Variants in CHIC1 observed in about 807,000 individuals in gnomAD.
CHIC1 encodes the protein cysteine-rich hydrophobic domain-containing protein 1.
CHIC1 carries 7 observed loss-of-function variants against 18.5 expected under a neutral mutation model. That is an observed-to-expected ratio of 0.38 (90% CI 0.22 to 0.71). The LOEUF is 0.71. Ranked by LOEUF, CHIC1 falls within the 30% of genes least tolerant of loss-of-function variation. CHIC1 has a pLI of 0.49. For synonymous variants in CHIC1, 77 were observed against 73.5 expected, an observed-to-expected ratio of 1.05 and a Z score of -0.25; for missense variants, 159 against 176.9, an observed-to-expected ratio of 0.90 and a Z score of 0.57.
chrX:73,677,784 C>T (rs901533218), intron 3 of CHIC1, among the ~76,000 whole-genome samples: 15 of 112,053 alleles, frequency 1.3e-4, no homozygotes, highest in South Asian at 3.7e-4. Context: ...GAGATGAACC[C>T]GGTACCTTAG....
rs1470944285 is a variant in CHIC1, at chrX:73,563,427, A to G, written c.143A>G (p.Glu48Gly). Reference sequence around the variant, plus strand: ...GGGCCCGACGATGACGAGGAGGATGAGGAGGAAGAGGAGGAAGAGGAGGAG... The same window carrying G: ...GGGCCCGACGATGACGAGGAGGATGGGGAGGAAGAGGAGGAAGAGGAGGAG... ...VSGPDDDEEDEEEEEEEEEEE... is the reference protein window; with the variant it reads ...VSGPDDDEEDGEEEEEEEEEE... Residue 48 changes from glutamate to glycine, a missense_variant, in exon 1 of 6, where the codon GAG becomes GGG. By Grantham distance (98) the Glu-to-Gly change is moderately conservative. Transcript: ENST00000373502. 8 of 1,148,122 alleles carry G rather than the reference A, an allele frequency of 7.0e-6. No individual in the cohort carries two copies. The South Asian group carries it at 1.6e-4, about 23-fold the overall frequency. The allele number at this position is 1,148,122 out of a possible 1,213,427, so 94.6% of individuals were successfully genotyped here.
In CHIC1 at chrX:73,681,062, T is replaced by C. The variant is rs1026514053; in HGVS notation, c.*57T>C. ...GTCATTTCCTACCCTTAGTGCCTTG[T>C]AGATTTGGAATGAAGATGGTCTCCT... On this transcript the variant is annotated 3_prime_UTR_variant, in exon 6 of 6. Coordinates refer to ENST00000373502, the MANE Select transcript of CHIC1 (RefSeq NM_001039840.4). 1.1e-5 allele frequency: 8 copies of C among 697,515 alleles called. No homozygotes were observed. The African/African-American group carries it at 1.5e-4, about 13-fold the overall frequency. 57.5% of individuals were successfully genotyped at this position (697,515 alleles called of 1,213,427 possible).
At chrX:73,635,235 C>T (rs539761268) in intron 3 of CHIC1, among the ~76,000 whole-genome samples, 2 of 111,889 alleles carry the variant, frequency 1.8e-5, no homozygotes, top group African/African-American at 3.2e-5. Context: ...ACATCATACT[C>T]GATCATGGTT....
chrX:73,669,865 G>T (rs1357209752), intron 3 of CHIC1, among the ~76,000 whole-genome samples: 1 of 112,011 alleles, frequency 8.9e-6, no homozygotes, highest in Non-Finnish European at 1.9e-5. Context: ...AGAACATGCT[G>T]CTCAGCTCCC....
At chrX:73,645,606 A>AT (rs2057885418) in intron 3 of CHIC1, among the ~76,000 whole-genome samples, 1 of 111,871 alleles carries the variant, frequency 8.9e-6, no homozygotes, top group Admixed American at 9.4e-5. Context: ...AGCCATTCTA[A>AT]TAGGTGTGAG....
intron 3 of CHIC1, among the ~76,000 whole-genome samples, chrX:73,603,911 T>A (rs1303096205): frequency 9.2e-6 from 1 of 109,260 alleles, no homozygotes; most frequent in African/African-American, 3.6e-5. Flanking sequence ...GCCAGTATTT[T>A]ATTGAGGATT....
At chrX:73,609,780 A>G in intron 3 of CHIC1, among the ~76,000 whole-genome samples, 1 of 109,520 alleles carries the variant, frequency 9.1e-6, no homozygotes, top group Admixed American at 9.5e-5. Context: ...ATCACCTTGA[A>G]TATTTATTAT....
intron 3 of CHIC1, among the ~76,000 whole-genome samples, chrX:73,661,129 G>A (rs933438020): frequency 8.9e-6 from 1 of 111,924 alleles, no homozygotes; most frequent in Non-Finnish European, 1.9e-5. Flanking sequence ...TGTTGAAATT[G>A]TGAGCTGGCA....
intron 3 of CHIC1, among the ~76,000 whole-genome samples, chrX:73,622,852 C>T (rs1010466237): frequency 1.8e-5 from 2 of 112,163 alleles, no homozygotes; most frequent in Non-Finnish European, 3.8e-5. Context: ...CCAAACACTG[C>T]TTTAGCTGTG....
At chrX:73,677,994 T>G (rs1409444960) in intron 3 of CHIC1, among the ~76,000 whole-genome samples, 24 of 110,043 alleles carry the variant, frequency 2.2e-4, no homozygotes, top group African/African-American at 5.9e-4. Flanking sequence ...GGAGGTTGTT[T>G]TTTTTTTTTT....
chrX:73,595,496 C>T (rs2057603740), intron 3 of CHIC1, among the ~76,000 whole-genome samples: 1 of 111,356 alleles, frequency 9.0e-6, no homozygotes, highest in Non-Finnish European at 1.9e-5. Flanking sequence ...CTGCAAAGGA[C>T]ATGAACTCAT....
Position 73,563,328 on chromosome X carries a change from C to T in CHIC1, c.44C>T (p.Ser15Leu), listed in dbSNP as rs1011097830. ...LPNMAEFDTI[S>L]ELEEEEEEEA... ...AACATGGCGGAGTTCGACACCATCT[C>T]GGAACTGGAGGAGGAGGAGGAAGAA... Residue 15 changes from serine (S) to leucine (L), a missense_variant, in exon 1 of 6, where the codon TCG becomes TTG. Transcript: ENST00000373502. 1.8e-6 allele frequency: 2 copies of T among 1,140,620 alleles called. No homozygotes were observed. The highest frequency in any genetic ancestry group is 6.7e-5 in the East Asian group (2 of 29,872). The allele number at this position is 1,140,620 out of a possible 1,213,427, so 94.0% of individuals were successfully genotyped here.
At chrX:73,582,773 T>C (rs1023416256) in intron 2 of CHIC1, among the ~76,000 whole-genome samples, 2 of 110,658 alleles carry the variant, frequency 1.8e-5, no homozygotes, top group East Asian at 5.7e-4. Flanking sequence ...AAGATTATTA[T>C]TCTCATTTTA....
At chrX:73,654,870 C>T (rs1288087818) in intron 3 of CHIC1, among the ~76,000 whole-genome samples, 1 of 111,566 alleles carries the variant, frequency 9.0e-6, no homozygotes, top group Non-Finnish European at 1.9e-5. Context: ...TATAATGTCT[C>T]CTTTTTCAAT....
At chrX:73,590,215 A>G in intron 3 of CHIC1, among the ~76,000 whole-genome samples, 2 of 111,123 alleles carry the variant, frequency 1.8e-5, no homozygotes, top group South Asian at 7.5e-4. Flanking sequence ...AGTGTTTCAC[A>G]TAAGCTGGGT....
In CHIC1 at chrX:73,658,568, T is replaced by A. The variant is rs372107516; in HGVS notation, c.508-20758T>A. Among the ~76,000 whole-genome samples, 102 of 109,348 alleles carry A rather than the reference T, an allele frequency of 9.3e-4. 3 individuals carry two copies. The East Asian group carries it at 0.027, about 29-fold the overall frequency. The allele number at this position is 109,348 out of a possible 115,157, so 95.0% of individuals were successfully genotyped here. ...TAGTCTAGGTAGAATTCTATTTTAT[T>A]ATTTAAAAAAAAATCCATCTCCTGG... is the stretch of plus-strand genomic sequence containing the variant. On this transcript the variant is annotated intron_variant, in intron 3 of 5. Transcript: ENST00000373502.
intron 3 of CHIC1, among the ~76,000 whole-genome samples, chrX:73,664,061 T>C (rs1569505241): frequency 9.0e-6 from 1 of 111,213 alleles, no homozygotes; most frequent in Non-Finnish European, 1.9e-5. Flanking sequence ...AGTCCTGTGC[T>C]CCCAGTGGTG....
chrX:73,631,447 T>C lies in CHIC1; in HGVS notation c.507+46875T>C, dbSNP rs1479477362. Among the ~76,000 whole-genome samples, 3 of 109,230 alleles carry C rather than the reference T, an allele frequency of 2.7e-5. 1 individual carries two copies. The highest frequency in any genetic ancestry group is 8.6e-3 in the Middle Eastern group (2 of 233). The allele number at this position is 109,230 out of a possible 115,157, so 94.9% of individuals were successfully genotyped here. On this transcript the variant is annotated intron_variant, in intron 3 of 5. Transcript: ENST00000373502. ...TTCGAGACCAGCCTGGCCAACCTGT[T>C]TAAACCCCATCTCTACTAAAAATAC...
intron 3 of CHIC1, among the ~76,000 whole-genome samples, chrX:73,615,693 G>A (rs1369307126): frequency 9.0e-6 from 1 of 111,269 alleles, no homozygotes; most frequent in African/African-American, 3.3e-5. Context: ...GGTCCAGATG[G>A]ATGTGTCCTC....
Sources: gnomAD v4.1 joint callset for allele counts (sites outside exome capture counted in the v4.1 genomes callset) on GRCh38, gnomAD v4.1.1 for gene constraint, MANE v1.5 for transcripts, NCBI Gene and HGNC (gene_info 2026-07-23, HGNC 2026-07-21) for gene names.